Variants in CRPPA observed in about 807,000 individuals in gnomAD.
The protein encoded by CRPPA is D-ribitol-5-phosphate cytidylyltransferase.
A neutral mutation model predicts 52.0 loss-of-function variants in CRPPA; 43 were observed. The observed-to-expected ratio is 0.83, with a 90% CI of 0.65 to 1.07. The LOEUF (loss-of-function observed/expected upper bound fraction) is 1.07, where lower values mean the gene tolerates loss of function less well. CRPPA is among the 50% of genes least tolerant of loss of function. CRPPA has a pLI of 0.00. For missense variants in CRPPA, 629 were observed against 551.7 expected (o/e 1.14, Z -1.40); for synonymous variants, 250 against 203.5 (o/e 1.23, Z -1.94).
At position 16,319,934 on chromosome 7, in the gene CRPPA, A is replaced by T. The variant is rs138117087; in HGVS notation, c.685-11307T>A. 4.6e-5 allele frequency among the ~76,000 whole-genome samples: 7 copies of T among 152,276 alleles called. No homozygotes were observed. In the East Asian group the frequency reaches 1.4e-3, roughly 29 times the overall value. On this transcript the variant is annotated intron_variant, in intron 3 of 9. Coordinates refer to ENST00000407010, the MANE Select transcript of CRPPA (RefSeq NM_001101426.4). ...TTTGTCCCCCTTCATTCCGTTCCAG[A>T]GGTACCTGGTGCTGCTAGGTCCTGG...
intron 8 of CRPPA, among the ~76,000 whole-genome samples, chr7:16,254,070 T>C (rs1783539852): frequency 1.3e-5 from 2 of 152,048 alleles, no homozygotes; most frequent in African/African-American, 4.8e-5. Context: ...ATGGCGATCA[T>C]TAAAAAGTCA....
intron 3 of CRPPA, among the ~76,000 whole-genome samples, chr7:16,372,006 G>T (rs1263292436): frequency 2.0e-5 from 3 of 151,132 alleles, no homozygotes; most frequent in African/African-American, 7.3e-5. Context: ...CCAATCAGAC[G>T]AAGTAAAAAA....
Position 16,356,112 on chromosome 7 carries a change from G to GA in CRPPA, c.684+19979dup, listed in dbSNP as rs200803448. 5.0e-3 allele frequency among the ~76,000 whole-genome samples: 747 copies of GA among 149,452 alleles called. 7 individuals are homozygous for GA. The highest frequency in any genetic ancestry group is 0.016 in the African/African-American group (670 of 40,830). Reference sequence around the variant, plus strand: ...GCTTTCAAATTTATCCCAAAATCATGAAAAAAAAATGTATGTTTATAAACT... The same window carrying GA: ...GCTTTCAAATTTATCCCAAAATCATGAAAAAAAAAATGTATGTTTATAAACT... On this transcript the variant is annotated intron_variant, in intron 3 of 9. Transcript: ENST00000407010.
At chr7:16,359,576 G>A (rs1786389788) in intron 3 of CRPPA, among the ~76,000 whole-genome samples, 1 of 152,178 alleles carries the variant, frequency 6.6e-6, no homozygotes, top group Non-Finnish European at 1.5e-5. Flanking sequence ...CCATCCTCCA[G>A]AAGTGAGAAC....
At chr7:16,243,377 G>A (rs1447681318) in intron 8 of CRPPA, among the ~76,000 whole-genome samples, 1 of 152,124 alleles carries the variant, frequency 6.6e-6, no homozygotes, top group Non-Finnish European at 1.5e-5. Context: ...CAGACTAACA[G>A]ATGATGGTAA....
intron 2 of CRPPA, among the ~76,000 whole-genome samples, chr7:16,396,759 C>T (rs573240761): frequency 2.3e-4 from 35 of 152,244 alleles, no homozygotes; most frequent in African/African-American, 7.7e-4. Flanking sequence ...TGATAGAAAA[C>T]GTGTGACATA....
chr7:16,126,537 CAAAAAATT>C (rs1782585093), intron 9 of CRPPA, among the ~76,000 whole-genome samples: 1 of 151,932 alleles, frequency 6.6e-6, no homozygotes, highest in African/African-American at 2.4e-5. Context: ...GTTGGTATTT[CAAAAAATT>C]AAAAAATGTT....
chr7:16,355,235 C>G (rs1179500523), intron 3 of CRPPA, among the ~76,000 whole-genome samples: 1 of 152,178 alleles, frequency 6.6e-6, no homozygotes, highest in African/African-American at 2.4e-5. Context: ...GGGAATATCA[C>G]TTACCAATCA....
chr7:16,306,789 A>G (rs1255244468), intron 4 of CRPPA, among the ~76,000 whole-genome samples: 2 of 152,176 alleles, frequency 1.3e-5, no homozygotes, highest in Non-Finnish European at 2.9e-5. Flanking sequence ...ACTGAGCCAT[A>G]TATAGAAAAG....
At chr7:16,133,158 T>TA (rs1782708379) in intron 9 of CRPPA, among the ~76,000 whole-genome samples, 2 of 120,264 alleles carry the variant, frequency 1.7e-5, no homozygotes, top group African/African-American at 5.4e-5. Context: ...CTACTAAAAA[T>TA]AAAAAAAAGT....
At chr7:16,299,420 A>AT (rs1288973254) in intron 5 of CRPPA, among the ~76,000 whole-genome samples, 1 of 152,206 alleles carries the variant, frequency 6.6e-6, no homozygotes, top group Non-Finnish European at 1.5e-5. Context: ...GATGTCTGGA[A>AT]TTTAATGTAC....
At chr7:16,115,703 A>C (rs1309542854) in intron 9 of CRPPA, among the ~76,000 whole-genome samples, 2 of 152,202 alleles carry the variant, frequency 1.3e-5, no homozygotes, top group Admixed American at 1.3e-4. Context: ...GCCAGAATGT[A>C]GGGACACCCT....
chr7:16,261,982 A>G (rs183963796), intron 6 of CRPPA: 131 of 152,182 alleles, frequency 8.6e-4, no homozygotes, highest in Admixed American at 2.5e-3. Flanking sequence ...TTATATTTGG[A>G]ATGAATACTG....
intron 5 of CRPPA, among the ~76,000 whole-genome samples, chr7:16,287,286 A>G (rs1297558465): frequency 6.6e-6 from 1 of 152,062 alleles, no homozygotes; most frequent in South Asian, 2.1e-4. Flanking sequence ...TTGTGTTTTG[A>G]TTTTACTTTG....
intron 5 of CRPPA, among the ~76,000 whole-genome samples, chr7:16,294,938 C>A (rs970972282): frequency 6.6e-6 from 1 of 151,954 alleles, no homozygotes; most frequent in African/African-American, 2.4e-5. Flanking sequence ...ACTTCAAATG[C>A]CATAATTTTA....
At chr7:16,204,572 A>G (rs1183850659) in intron 9 of CRPPA, among the ~76,000 whole-genome samples, 2 of 152,176 alleles carry the variant, frequency 1.3e-5, no homozygotes, top group African/African-American at 4.8e-5. Flanking sequence ...CTTCACCACT[A>G]CACAACATAC....
intron 9 of CRPPA, among the ~76,000 whole-genome samples, chr7:16,194,682 G>T (rs1166445434): frequency 6.6e-6 from 1 of 151,992 alleles, no homozygotes; most frequent in Non-Finnish European, 1.5e-5. Flanking sequence ...CAATTGAATT[G>T]CAGTGTATAA....
intron 9 of CRPPA, among the ~76,000 whole-genome samples, chr7:16,155,422 A>G (rs1783159386): frequency 6.6e-6 from 1 of 152,126 alleles, no homozygotes; most frequent in Admixed American, 6.5e-5. Context: ...CACTTACCCA[A>G]GGATGTTTTT....
At chr7:16,325,870 A>T (rs4719464) in intron 3 of CRPPA, among the ~76,000 whole-genome samples, 41,354 of 151,812 alleles carry the variant, frequency 0.27, 5,827 homozygotes, top group Admixed American at 0.33. Context: ...AACAGGAATG[A>T]TATTTATTCA....
Sources: allele counts gnomAD v4.1 joint callset (sites outside exome capture counted in the v4.1 genomes callset), GRCh38; gene constraint gnomAD v4.1.1; transcripts MANE v1.5; gene names NCBI Gene and HGNC (gene_info 2026-07-23, HGNC 2026-07-21).